Variants in SLC6A2 observed in about 807,000 individuals in gnomAD.
The protein encoded by SLC6A2 is solute carrier family 6 member 2.
A neutral mutation model predicts 71.7 loss-of-function variants in SLC6A2; 26 were observed. The observed-to-expected ratio is 0.36, with a 90% CI of 0.27 to 0.50. The LOEUF (loss-of-function observed/expected upper bound fraction) is 0.50. Among genes scored for constraint, SLC6A2 ranks in the 20% least tolerant of loss-of-function variants. The pLI is 0.96. For missense variants in SLC6A2, 581 were observed against 803.9 expected, an observed-to-expected ratio of 0.72 and a Z score of 3.35; for synonymous variants, 363 against 337.9, an observed-to-expected ratio of 1.07 and a Z score of -0.82.
At chr16:55,670,209 T>C (rs1325310147) in intron 3 of SLC6A2, among the ~76,000 whole-genome samples, 1 of 152,166 alleles carries the variant, frequency 6.6e-6, no homozygotes, top group African/African-American at 2.4e-5. Flanking sequence ...TCTTGGCCCC[T>C]ATACAGCTGG....
chr16:55,685,079 T>C, intron 4 of SLC6A2, 64 bp from the exon 5 acceptor site: 1 of 1,542,818 alleles, frequency 6.5e-7, no homozygotes, highest in Non-Finnish European at 8.9e-7. Flanking sequence ...TGGTCTGTGG[T>C]CACGGCCTCT....
In SLC6A2 at chr16:55,703,234, A is replaced by G; in HGVS notation, c.*888A>G. The G allele has an allele frequency of 2.0e-6, 2 of 985,376 alleles. No homozygotes were observed. The highest frequency in any genetic ancestry group is 1.7e-5 in the African/African-American group (1 of 57,364). The allele number at this position is 985,376 out of a possible 1,614,324, so 61.0% of individuals were successfully genotyped here. On this transcript the variant is annotated 3_prime_UTR_variant, in exon 15 of 15. Coordinates refer to ENST00000568943, the MANE Select transcript of SLC6A2 (RefSeq NM_001172501.3). ...GAGACCTGCCTGGGGAAACGGGGGC[A>G]GGGACCAAGTGAGGCCTCATGTGTG...
intron 4 of SLC6A2, among the ~76,000 whole-genome samples, chr16:55,677,049 C>A (rs143070208): frequency 4.6e-5 from 7 of 152,278 alleles, no homozygotes; most frequent in Admixed American, 1.3e-4. Flanking sequence ...ATCCAGCCAA[C>A]GTTGGAAGCC....
intron 2 of SLC6A2, among the ~76,000 whole-genome samples, 168 bp downstream of exon 2, chr16:55,657,136 C>T (rs1964478694): frequency 6.6e-6 from 1 of 152,154 alleles, no homozygotes; most frequent in African/African-American, 2.4e-5. Context: ...GATTGGAGTC[C>T]TCTGGAAGGT....
At chr16:55,672,958 A>G (rs1964969892) in intron 4 of SLC6A2, among the ~76,000 whole-genome samples, 1 of 152,246 alleles carries the variant, frequency 6.6e-6, no homozygotes, top group Non-Finnish European at 1.5e-5. Flanking sequence ...GACAACTTAC[A>G]TAACCATGGT....
intron 7 of SLC6A2, 34 bp from the exon 8 acceptor site, chr16:55,695,244 A>G: frequency 6.2e-7 from 1 of 1,613,670 alleles, no homozygotes; most frequent in Non-Finnish European, 8.5e-7. Context: ...TGAGGGTGTC[A>G]AGGGACTTGA....
chr16:55,699,245 G>C (rs1965895909), intron 11 of SLC6A2, among the ~76,000 whole-genome samples: 1 of 152,186 alleles, frequency 6.6e-6, no homozygotes, highest in Admixed American at 6.5e-5. Flanking sequence ...GTAACCAAGA[G>C]GAAAGAGCTG....
In SLC6A2 at chr16:55,685,236, C is replaced by T. The variant is rs1342166387; in HGVS notation, c.738C>T (p.Ile246=). The T allele has an allele frequency of 1.9e-6, 3 of 1,613,998 alleles. No individual in the cohort carries two copies. The highest frequency in any genetic ancestry group is 2.5e-6 in the Non-Finnish European group (3 of 1,179,960). ...TGCTCTGTCTGATGGTCGTCGTCAT[C>T]GTCTTGTATTTTAGCCTCTGGAAAG... ...QLLLCLMVVV[I]VLYFSLWKGV... Residue 246 remains isoleucine, a synonymous_variant, in exon 5 of 15, where the codon ATC becomes ATT. Coordinates refer to ENST00000568943, the MANE Select transcript of SLC6A2 (RefSeq NM_001172501.3).
At position 55,702,763 on chromosome 16, in the gene SLC6A2, T is replaced by A. The variant is rs40615; in HGVS notation, c.*417T>A. 67,516 of 617,350 alleles carry A rather than the reference T, an allele frequency of 0.11. 5,785 individuals are homozygous for A. The highest frequency in any genetic ancestry group is 0.42 in the African/African-American group (18,038 of 43,244). The allele number at this position is 617,350 out of a possible 1,614,324, so 38.2% of individuals were successfully genotyped here. A position where few individuals can be genotyped will look rare whatever the true frequency, so the allele number is the denominator to read the frequency against. ...TACCCCTCCCAAAAAAAAAAAAAAC[T>A]AAAACTAAAGCAAAAATCAAACAAA... On this transcript the variant is annotated 3_prime_UTR_variant, in exon 15 of 15. Coordinates refer to ENST00000568943, the MANE Select transcript of SLC6A2 (RefSeq NM_001172501.3).
intron 13 of SLC6A2, 29 bp downstream of exon 13, chr16:55,700,335 G>A (rs1965933652): frequency 1.9e-6 from 3 of 1,593,790 alleles, no homozygotes; most frequent in African/African-American, 1.3e-5. Context: ...CAGGGGAACA[G>A]GGTGGGAGGG....
chr16:55,662,633 G>A (rs1964640684), intron 2 of SLC6A2, among the ~76,000 whole-genome samples: 1 of 152,214 alleles, frequency 6.6e-6, no homozygotes. Context: ...TCTTCACAGA[G>A]ATTTTACTAA....
intron 2 of SLC6A2, among the ~76,000 whole-genome samples, chr16:55,663,497 A>G (rs1278027569): frequency 6.6e-6 from 1 of 152,172 alleles, no homozygotes; most frequent in Non-Finnish European, 1.5e-5. Context: ...CATGAGACAT[A>G]TAAACCTCTT....
intron 4 of SLC6A2, among the ~76,000 whole-genome samples, chr16:55,675,866 G>A (rs1423419360): frequency 6.6e-6 from 1 of 152,144 alleles, no homozygotes. Context: ...ACCTGGGAAT[G>A]AGTCCAGATT....
intron 4 of SLC6A2, among the ~76,000 whole-genome samples, chr16:55,677,676 T>TGTTTGTTG (rs1965135831): frequency 1.3e-5 from 2 of 151,842 alleles, no homozygotes; most frequent in Non-Finnish European, 2.9e-5. Flanking sequence ...TTTGTTTGTT[T>TGTTTGTTG]GTTTGTTTTA....
In SLC6A2 at chr16:55,701,856, C is replaced by G; in HGVS notation, c.1759-7C>G. On this transcript the variant is annotated splice_polypyrimidine_tract_variant and splice_region_variant and intron_variant, in intron 13 of 14. Coordinates refer to ENST00000568943, the MANE Select transcript of SLC6A2 (RefSeq NM_001172501.3). ...GCTGAGGCCTCCTCCCCTTCTCTTC[C>G]TTTCAGAGACTGGCCTATGGCATCA... 1 of 1,613,292 alleles carries G rather than the reference C, an allele frequency of 6.2e-7. No homozygotes were observed. Among genetic ancestry groups the G allele is most frequent in the South Asian group, 1.1e-5 (1 of 91,070 alleles).
chr16:55,674,581 C>T (rs7200297), intron 4 of SLC6A2, among the ~76,000 whole-genome samples: 3 of 151,716 alleles, frequency 2.0e-5, no homozygotes, highest in Non-Finnish European at 4.4e-5. Context: ...CCCACCACAA[C>T]GCCTGGCTAA....
chr16:55,706,105 T>G lies in SLC6A2; in HGVS notation c.*3759T>G, dbSNP rs1391702496. The G allele has an allele frequency of 6.6e-6, 1 of 152,250 alleles. No individual in the cohort carries two copies. The highest frequency in any genetic ancestry group is 2.4e-5 in the African/African-American group (1 of 41,476). The allele number at this position is 152,250 out of a possible 1,614,324, so 9.4% of individuals were successfully genotyped here. On this transcript the variant is annotated 3_prime_UTR_variant, in exon 15 of 15. Transcript: ENST00000568943. ...ATGGACTGTTCCAATGTCATGCAGA[T>G]TTCTGTGTCTGATATGGATTTTAAA...
intron 8 of SLC6A2, 134 bp downstream of exon 8, chr16:55,695,536 T>C: frequency 1.0e-6 from 1 of 970,584 alleles, no homozygotes; most frequent in Non-Finnish European, 1.6e-6. Flanking sequence ...ACCACCCATG[T>C]GATTGACTTT....
chr16:55,685,852 C>T (rs1447596473), intron 5 of SLC6A2, among the ~76,000 whole-genome samples: 2 of 152,140 alleles, frequency 1.3e-5, no homozygotes, highest in East Asian at 1.9e-4. Context: ...CCCATGAGGG[C>T]CAGTCCGGAG....
Sources: gnomAD v4.1 joint callset for allele counts (sites outside exome capture counted in the v4.1 genomes callset) on GRCh38, gnomAD v4.1.1 for gene constraint, MANE v1.5 for transcripts, NCBI Gene and HGNC (gene_info 2026-07-23, HGNC 2026-07-21) for gene names.